Variants in INPP4B observed in about 807,000 individuals in gnomAD.
The protein encoded by INPP4B is inositol polyphosphate 4-phosphatase type II.
A neutral mutation model predicts 122.5 loss-of-function variants in INPP4B; 55 were observed. The ratio of observed to expected loss-of-function variants is 0.45; its 90% CI spans 0.36 to 0.56. The LOEUF (loss-of-function observed/expected upper bound fraction) is 0.56. INPP4B is among the 20% of genes least tolerant of loss of function. The pLI is 0.00. For synonymous variants in INPP4B, 403 were observed against 388.7 expected, an observed-to-expected ratio of 1.04 and a Z score of -0.43; for missense variants, 1,000 against 1,097.7, an observed-to-expected ratio of 0.91 and a Z score of 1.26.
chr4:142,546,398 G>C (rs1043712838), intron 2 of INPP4B, among the ~76,000 whole-genome samples: 5 of 152,030 alleles, frequency 3.3e-5, no homozygotes, highest in African/African-American at 9.7e-5. Flanking sequence ...AATGAACATA[G>C]CATGCATGTG....
chr4:142,205,003 C>G (rs765626440), intron 14 of INPP4B, among the ~76,000 whole-genome samples: 9 of 152,060 alleles, frequency 5.9e-5, no homozygotes, highest in Non-Finnish European at 1.2e-4. Flanking sequence ...AACACACAGA[C>G]ACACACACAC....
chr4:142,031,293 T>C (rs1289446162), intron 25 of INPP4B, among the ~76,000 whole-genome samples: 1 of 152,214 alleles, frequency 6.6e-6, no homozygotes, highest in Non-Finnish European at 1.5e-5. Context: ...GGCTCAGTCT[T>C]ATGAAAAGTG....
At chr4:142,747,642 T>C (rs374173605) in intron 1 of INPP4B, among the ~76,000 whole-genome samples, 37 of 152,126 alleles carry the variant, frequency 2.4e-4, no homozygotes, top group Middle Eastern at 3.4e-3. Flanking sequence ...CAGTGATAGA[T>C]TGCATAAAGA....
chr4:142,067,883 T>A (rs975593533), intron 25 of INPP4B, among the ~76,000 whole-genome samples: 6 of 152,172 alleles, frequency 3.9e-5, no homozygotes, highest in African/African-American at 1.4e-4. Flanking sequence ...ACAGGGAGAA[T>A]GGAACCAAGT....
intron 2 of INPP4B, among the ~76,000 whole-genome samples, chr4:142,612,972 A>G (rs1240981199): frequency 1.3e-5 from 2 of 152,168 alleles, no homozygotes; most frequent in Non-Finnish European, 2.9e-5. Context: ...TGCAATCAGA[A>G]ATAATGTAAG....
intron 11 of INPP4B, among the ~76,000 whole-genome samples, chr4:142,246,033 CGTGTGTGTATACACACATT>C (rs1561601151): frequency 5.5e-5 from 7 of 127,006 alleles, no homozygotes; most frequent in African/African-American, 2.2e-4. Flanking sequence ...TGTACACACA[CGTGTGTGTATACACACATT>C]ATATATATGT....
chr4:142,069,088 C>T (rs916098986), intron 25 of INPP4B, among the ~76,000 whole-genome samples: 2 of 152,166 alleles, frequency 1.3e-5, no homozygotes, highest in African/African-American at 4.8e-5. Flanking sequence ...GGAAGTAAAG[C>T]ACTCCTCAGC....
At chr4:142,639,841 G>A (rs1409981804) in intron 2 of INPP4B, among the ~76,000 whole-genome samples, 1 of 152,010 alleles carries the variant, frequency 6.6e-6, no homozygotes, top group Non-Finnish European at 1.5e-5. Flanking sequence ...ATCATTGCTG[G>A]TCAGTTTTCC....
intron 1 of INPP4B, among the ~76,000 whole-genome samples, chr4:142,830,850 C>CA (rs70949194): frequency 0.059 from 5,394 of 91,304 alleles, 171 homozygotes; most frequent in Non-Finnish European, 0.085. Context: ...GCTGTCTCTA[C>CA]AAAAAAAAAA....
At position 142,305,401 on chromosome 4, in the gene INPP4B, C is replaced by A; in HGVS notation, c.503+57G>T. On this transcript the variant is annotated intron_variant, in intron 9 of 25. Coordinates refer to ENST00000262992, the MANE Select transcript of INPP4B (RefSeq NM_001101669.3). ...TGTGACTTTCAAACACACTGGCCAT[C>A]AATAAATATCACTTGTTATTAACTT... The A allele has an allele frequency of 2.3e-6, 3 of 1,305,970 alleles. No individual in the cohort carries two copies. In the South Asian group the frequency reaches 3.8e-5, roughly 16 times the overall value. 80.9% of individuals were successfully genotyped at this position (1,305,970 alleles called of 1,614,324 possible). A position where few individuals can be genotyped will look rare whatever the true frequency, so the allele number is the denominator to read the frequency against.
chr4:142,345,177 G>C (rs1008531544), intron 7 of INPP4B, among the ~76,000 whole-genome samples: 10 of 151,788 alleles, frequency 6.6e-5, no homozygotes, highest in Non-Finnish European at 1.3e-4. Flanking sequence ...ATATCTTTAT[G>C]GAAGAATCTA....
At chr4:142,270,933 TTGTGTGTGTGTG>T (rs58469157) in intron 9 of INPP4B, among the ~76,000 whole-genome samples, 159 bp from the exon 10 acceptor site, 95 of 148,646 alleles carry the variant, frequency 6.4e-4, no homozygotes, top group African/African-American at 2.2e-3. Context: ...GGGTAGGTGT[TTGTGTGTGTGTG>T]TGTGTGTGTG....
intron 2 of INPP4B, among the ~76,000 whole-genome samples, chr4:142,652,399 G>T (rs1753165578): frequency 6.6e-6 from 1 of 152,120 alleles, no homozygotes; most frequent in Non-Finnish European, 1.5e-5. Context: ...AGAAATTTGG[G>T]TATTAAATTA....
chr4:142,422,232 TAAG>T (rs1385547623), intron 5 of INPP4B, among the ~76,000 whole-genome samples: 1 of 152,100 alleles, frequency 6.6e-6, no homozygotes, highest in African/African-American at 2.4e-5. Flanking sequence ...AATGAAATGA[TAAG>T]AAGTAATTAA....
intron 1 of INPP4B, among the ~76,000 whole-genome samples, chr4:142,779,305 C>A (rs1301272438): frequency 1.3e-5 from 2 of 151,984 alleles, no homozygotes; most frequent in Non-Finnish European, 2.9e-5. Flanking sequence ...GGACCCCAAA[C>A]AACATTGGTA....
chr4:142,800,438 T>C (rs1481698143), intron 1 of INPP4B, among the ~76,000 whole-genome samples: 1 of 152,150 alleles, frequency 6.6e-6, no homozygotes, highest in Non-Finnish European at 1.5e-5. Context: ...TTCTCTCCTA[T>C]CATAATGATT....
At chr4:142,489,940 C>G (rs984449238) in intron 2 of INPP4B, among the ~76,000 whole-genome samples, 5 of 152,036 alleles carry the variant, frequency 3.3e-5, no homozygotes, top group Admixed American at 2.6e-4. Flanking sequence ...AATCAACTTT[C>G]TAATGATTAT....
chr4:142,525,845 T>C (rs1826839718), intron 2 of INPP4B, among the ~76,000 whole-genome samples: 2 of 150,534 alleles, frequency 1.3e-5, no homozygotes, highest in African/African-American at 4.9e-5. Flanking sequence ...ACTTCATGTC[T>C]AAAACACCAA....
chr4:142,834,084 C>T (rs192469061), intron 1 of INPP4B, among the ~76,000 whole-genome samples: 1 of 152,148 alleles, frequency 6.6e-6, no homozygotes, highest in East Asian at 1.9e-4. Flanking sequence ...AACATGTAGC[C>T]AAGCTCCAAA....
Sources: gnomAD v4.1 joint callset for allele counts (sites outside exome capture counted in the v4.1 genomes callset) on GRCh38, gnomAD v4.1.1 for gene constraint, MANE v1.5 for transcripts, NCBI Gene and HGNC (gene_info 2026-07-23, HGNC 2026-07-21) for gene names.